CLEC16A: variants seen among roughly 807,000 people sequenced by gnomAD.
The protein encoded by CLEC16A is C-type lectin domain containing 16A.
CLEC16A carries 51 observed loss-of-function variants against 109.5 expected under a neutral mutation model. That is an observed-to-expected ratio of 0.47 (90% CI 0.37 to 0.59). The LOEUF is 0.59. Among genes scored for constraint, CLEC16A ranks in the 20% least tolerant of loss-of-function variants. The probability of loss-of-function intolerance (pLI) is 0.00; values close to 1 mark genes in which losing one functional copy is unlikely to be tolerated. For missense variants in CLEC16A, 1,339 were observed against 1,394.0 expected (o/e 0.96, Z 0.63); for synonymous variants, 673 against 564.2 (o/e 1.19, Z -2.73).
At chr16:11,142,751 C>T (rs1232102713) in intron 22 of CLEC16A, among the ~76,000 whole-genome samples, 1 of 152,228 alleles carries the variant, frequency 6.6e-6, no homozygotes, top group Non-Finnish European at 1.5e-5. Flanking sequence ...CATGGATCTA[C>T]AGAGGTAGGC....
intron 22 of CLEC16A, among the ~76,000 whole-genome samples, chr16:11,134,498 T>G (rs35732840): frequency 0.35 from 52,735 of 151,960 alleles, 9,257 homozygotes; most frequent in South Asian, 0.45. Flanking sequence ...CTCCCCTTCC[T>G]GCCTCTAAAT....
At chr16:11,163,876 C>A (rs11641347) in intron 22 of CLEC16A, among the ~76,000 whole-genome samples, 4,641 of 152,260 alleles carry the variant, frequency 0.03, 88 homozygotes, top group Middle Eastern at 0.041. Context: ...GAAAAGCCAT[C>A]TTGACATTTT....
intron 19 of CLEC16A, among the ~76,000 whole-genome samples, chr16:11,080,127 CTG>C (rs2049617659): frequency 6.6e-6 from 1 of 152,222 alleles, no homozygotes; most frequent in South Asian, 2.1e-4. Flanking sequence ...GACAGGGACT[CTG>C]AGTGTTTCCT....
chr16:11,070,894 A>C (rs1157857298), intron 19 of CLEC16A: 1 of 152,282 alleles, frequency 6.6e-6, no homozygotes, highest in Non-Finnish European at 1.5e-5. Context: ...CGAAAACCGT[A>C]CCCCAAATTC....
At chr16:11,084,718 T>C (rs1000457236) in intron 19 of CLEC16A, among the ~76,000 whole-genome samples, 2 of 152,170 alleles carry the variant, frequency 1.3e-5, no homozygotes, top group African/African-American at 4.8e-5. Context: ...AATTTTAAAC[T>C]GGAAAGGTCA....
chr16:10,974,431 T>C (rs186868609), intron 7 of CLEC16A, among the ~76,000 whole-genome samples: 1 of 152,336 alleles, frequency 6.6e-6, no homozygotes, highest in East Asian at 1.9e-4. Flanking sequence ...TTCCCTTGGC[T>C]CTATTGACCT....
intron 2 of CLEC16A, among the ~76,000 whole-genome samples, chr16:10,960,816 A>G (rs2042217477): frequency 1.3e-5 from 2 of 152,160 alleles, no homozygotes; most frequent in Admixed American, 6.6e-5. Context: ...GCTATAATTC[A>G]GTATGTTGTT....
intron 22 of CLEC16A, among the ~76,000 whole-genome samples, chr16:11,139,909 C>A (rs1415155543): frequency 6.6e-6 from 1 of 152,196 alleles, no homozygotes; most frequent in East Asian, 1.9e-4. Flanking sequence ...AGGCACTGGG[C>A]TAGGTGCTTT....
At chr16:11,107,894 C>T (rs9921193) in intron 19 of CLEC16A, among the ~76,000 whole-genome samples, 2,212 of 152,258 alleles carry the variant, frequency 0.015, 43 homozygotes, top group African/African-American at 0.05. Flanking sequence ...GTTGATTGAC[C>T]CCTCGGACCA....
At chr16:10,974,411 C>G (rs1160365175) in intron 7 of CLEC16A, among the ~76,000 whole-genome samples, 1 of 152,208 alleles carries the variant, frequency 6.6e-6, no homozygotes, top group African/African-American at 2.4e-5. Context: ...AGTTCCAGAG[C>G]AGGATTTCTT....
At chr16:10,988,825 G>A (rs999293824) in intron 10 of CLEC16A, among the ~76,000 whole-genome samples, 12 of 152,168 alleles carry the variant, frequency 7.9e-5, no homozygotes, top group Admixed American at 5.9e-4. Flanking sequence ...ATTAAGTGCC[G>A]TGTAAAGTGC....
rs539527834 is a variant in CLEC16A, at chr16:11,053,996, G to C, written c.1995+2355G>C. Among the ~76,000 whole-genome samples, 8 of 152,364 alleles carry C rather than the reference G, an allele frequency of 5.3e-5. No homozygotes were observed. The East Asian group carries it at 1.5e-3, about 29-fold the overall frequency. On this transcript the variant is annotated intron_variant, in intron 18 of 23. Coordinates refer to ENST00000409790, the MANE Select transcript of CLEC16A (RefSeq NM_015226.3). ...TCACTAATCCCACCTGGAGCAGGAA[G>C]TGGGACAGGCATCAGATAGGGAGGC...
chr16:11,157,023 T>C, intron 22 of CLEC16A: 5 of 1,273,264 alleles, frequency 3.9e-6, no homozygotes, highest in Admixed American at 2.5e-5. Context: ...AAGGGCACAA[T>C]TAGGACACAG....
chr16:11,166,997 A>T (rs2068295076), intron 23 of CLEC16A, among the ~76,000 whole-genome samples: 1 of 152,022 alleles, frequency 6.6e-6, no homozygotes, highest in African/African-American at 2.4e-5. Context: ...CAGTTGTTCG[A>T]GTAGGCACGC....
At chr16:10,977,201 T>C (rs1356643537) in intron 7 of CLEC16A, 24 bp from the exon 8 acceptor site, 1 of 1,608,594 alleles carries the variant, frequency 6.2e-7, no homozygotes, top group Non-Finnish European at 8.5e-7. Context: ...GCCTCCAGGC[T>C]GAGGTGGTCA....
At chr16:11,111,492 G>A (rs1338611008) in intron 19 of CLEC16A, among the ~76,000 whole-genome samples, 1 of 152,160 alleles carries the variant, frequency 6.6e-6, no homozygotes, top group Non-Finnish European at 1.5e-5. Flanking sequence ...AATCACTGAG[G>A]CCCACTCAGG....
At chr16:11,062,260 C>T (rs1370858994) in intron 19 of CLEC16A, among the ~76,000 whole-genome samples, 1 of 152,120 alleles carries the variant, frequency 6.6e-6, no homozygotes, top group Non-Finnish European at 1.5e-5. Context: ...CAGCACAGGG[C>T]CACTCTCTGT....
chr16:11,024,662 C>G (rs1321089599), intron 12 of CLEC16A, 159 bp from the exon 13 acceptor site: 8 of 574,550 alleles, frequency 1.4e-5, no homozygotes, highest in Non-Finnish European at 2.5e-5. Context: ...GCCTGTCTCT[C>G]ATTTGTCTGT....
chr16:10,964,715 G>T (rs1380372954), intron 3 of CLEC16A, among the ~76,000 whole-genome samples: 2 of 152,178 alleles, frequency 1.3e-5, no homozygotes, highest in Non-Finnish European at 2.9e-5. Flanking sequence ...GGCTTTTAGA[G>T]TGTTTCTCTG....
Sources: gnomAD v4.1 joint callset for allele counts (sites outside exome capture counted in the v4.1 genomes callset) on GRCh38, gnomAD v4.1.1 for gene constraint, MANE v1.5 for transcripts, NCBI Gene and HGNC (gene_info 2026-07-23, HGNC 2026-07-21) for gene names.